The following CYB5R2 variants were observed in gnomAD, a reference collection of about 807,000 sequenced individuals.
The protein encoded by CYB5R2 is cytochrome b5 reductase 2.
CYB5R2 carries 35 observed loss-of-function variants against 29.8 expected under a neutral mutation model. The ratio of observed to expected loss-of-function variants is 1.17; its 90% CI spans 0.90 to 1.56. The LOEUF is 1.56. Ranked by LOEUF, CYB5R2 falls within the 40% of genes most tolerant of loss-of-function variation. CYB5R2 has a pLI of 0.00. For missense variants in CYB5R2, 419 were observed against 346.7 expected (o/e 1.21, Z -1.66); for synonymous variants, 169 against 130.6 (o/e 1.29, Z -2.01).
At chr11:7,673,347 C>G (rs1855877798) in intron 1 of CYB5R2, 72 bp downstream of exon 1, 1 of 1,019,910 alleles carries the variant, frequency 9.8e-7, no homozygotes, top group South Asian at 4.0e-5. Context: ...CCAACAGTCT[C>G]CTGGACAGGG....
rs1030559558 is a variant in CYB5R2, at chr11:7,666,114, T to C, written c.658+337A>G. 1.3e-5 allele frequency: 8 copies of C among 620,622 alleles called. No individual in the cohort carries two copies. The African/African-American group carries it at 1.5e-4, about 11-fold the overall frequency. The allele number at this position is 620,622 out of a possible 1,614,324, so 38.4% of individuals were successfully genotyped here. On this transcript the variant is annotated intron_variant, in intron 8 of 8. Transcript: ENST00000299498. The stretch of plus-strand genomic sequence containing the variant: ...TGGCCGTAAGCAGAAGGGTGAGTGG[T>C]GAAGGGGTCAGTGCCCATATTAGAT...
At chr11:7,665,809 G>C in intron 8 of CYB5R2, 2 of 1,514,314 alleles carry the variant, frequency 1.3e-6, no homozygotes, top group Non-Finnish European at 1.8e-6. Context: ...CGAGGAAGGA[G>C]AACACAACGA....
intron 3 of CYB5R2, chr11:7,669,997 C>T: frequency 2.4e-6 from 1 of 423,696 alleles, no homozygotes; most frequent in Non-Finnish European, 4.3e-6. Flanking sequence ...TGTCTGCCCA[C>T]CTGTGATCTT....
chr11:7,673,761 G>A, upstream of CYB5R2: 1 of 953,556 alleles, frequency 1.0e-6, no homozygotes, highest in Non-Finnish European at 1.2e-6. Context: ...GGGTTGGCCG[G>A]GGGCCGCTCC....
At chr11:7,669,502 T>C (rs1156345189) in intron 4 of CYB5R2, 123 bp downstream of exon 4, 2 of 1,209,992 alleles carry the variant, frequency 1.7e-6, no homozygotes, top group South Asian at 3.0e-5. Flanking sequence ...AACTGTAGCT[T>C]CACTGCTGGA....
At position 7,667,746 on chromosome 11, in the gene CYB5R2, G is replaced by A; in HGVS notation, c.540C>T (p.Ser180=). The part of the protein sequence containing the change: ...TKDPSDRTRM[S]LIFANQTEED... ...AACTGACCTGGTTGGCAAAGATGAG[G>A]GACATCCTGGTCCTGTCACTGGGGT... Residue 180 remains serine, a synonymous_variant, in exon 7 of 9, where the codon TCC becomes TCT. Coordinates refer to ENST00000299498, the MANE Select transcript of CYB5R2 (RefSeq NM_016229.5). 6.2e-7 allele frequency: 1 copy of A among 1,614,140 alleles called. No individual in the cohort carries two copies. Among genetic ancestry groups the A allele is most frequent in the Non-Finnish European group, 8.5e-7 (1 of 1,179,996 alleles).
chr11:7,668,740 A>T, intron 5 of CYB5R2, 179 bp from the exon 6 acceptor site: 1 of 643,274 alleles, frequency 1.6e-6, no homozygotes, highest in Non-Finnish European at 2.8e-6. Flanking sequence ...GCTCCAGTGC[A>T]CAAAGTGGGA....
Position 7,669,844 on chromosome 11 carries a change from A to AG in CYB5R2, c.152-114dup, listed in dbSNP as rs1438111080. The AG allele has an allele frequency of 4.9e-5, 38 of 769,900 alleles. No individual in the cohort carries two copies. The East Asian group carries it at 1.0e-3, about 20-fold the overall frequency. 47.7% of individuals were successfully genotyped at this position (769,900 alleles called of 1,614,324 possible). A position where few individuals can be genotyped will look rare whatever the true frequency, so the allele number is the denominator to read the frequency against. ...CAAATACTGGGGGCACAATGTTAAG[A>AG]GGGGTGGGAAGAAGAGAGCAGGGAA... On this transcript the variant is annotated intron_variant, in intron 3 of 8. Transcript: ENST00000299498.
chr11:7,669,424 T>C, intron 4 of CYB5R2, 90 bp from the exon 5 acceptor site: 1 of 1,481,482 alleles, frequency 6.7e-7, no homozygotes, highest in Admixed American at 2.1e-5. Flanking sequence ...CTGGAAGCTT[T>C]GCAGAGAAAG....
At chr11:7,673,578 C>G (rs1463322920), upstream of CYB5R2, 3 of 985,454 alleles carry the variant, frequency 3.0e-6, no homozygotes, top group African/African-American at 1.7e-5. Flanking sequence ...CCACGCCTCC[C>G]GCTCCGGCCC....
At chr11:7,671,164 G>C (rs990664784) in intron 3 of CYB5R2, 2 of 152,362 alleles carry the variant, frequency 1.3e-5, no homozygotes, top group African/African-American at 4.8e-5. Context: ...GGATAGCCAG[G>C]AGTAAGTGAG....
In CYB5R2 at chr11:7,669,955, T is replaced by TA. The variant is rs567586373; in HGVS notation, c.152-225_152-224insT. The stretch of plus-strand genomic sequence containing the variant: ...GCAAGTCACTTCACCTCTCTGGGTT[T>TA]TGGTCTCTTCATCTGTAAAATGGGG... On this transcript the variant is annotated intron_variant, in intron 3 of 8. Transcript: ENST00000299498. The TA allele has an allele frequency of 1.1e-3, 598 of 528,512 alleles. 6 individuals carry two copies. The highest frequency in any genetic ancestry group is 6.4e-3 in the South Asian group (301 of 46,918). The allele number at this position is 528,512 out of a possible 1,614,324, so 32.7% of individuals were successfully genotyped here. A position where few individuals can be genotyped will look rare whatever the true frequency, so the allele number is the denominator to read the frequency against.
At chr11:7,666,675 A>C (rs1410413376) in intron 7 of CYB5R2, 125 bp from the exon 8 acceptor site, 1 of 606,692 alleles carries the variant, frequency 1.6e-6, no homozygotes, top group Non-Finnish European at 2.9e-6. Flanking sequence ...CTCGCTGCCA[A>C]CTCCCACGGC....
At position 7,665,152 on chromosome 11, in the gene CYB5R2, A is replaced by G; in HGVS notation, c.*222T>C. 2.3e-6 allele frequency: 1 copy of G among 442,020 alleles called. No homozygotes were observed. Among genetic ancestry groups the G allele is most frequent in the Admixed American group, 4.0e-5 (1 of 25,000 alleles). 27.4% of individuals were successfully genotyped at this position (442,020 alleles called of 1,614,324 possible). ...ACAAAACCACGGAGAAAGATACTGA[A>G]ATGGAGCTCTTTCCAGCCTCCAAGC... is the stretch of plus-strand genomic sequence containing the variant. On this transcript the variant is annotated 3_prime_UTR_variant, in exon 9 of 9. Coordinates refer to ENST00000299498, the MANE Select transcript of CYB5R2 (RefSeq NM_016229.5).
At chr11:7,673,366 G>C (rs1467567220) in intron 1 of CYB5R2, 53 bp downstream of exon 1, 2 of 1,002,576 alleles carry the variant, frequency 2.0e-6, no homozygotes, top group East Asian at 9.8e-5. Flanking sequence ...GGCGAAGGGG[G>C]CCTGGGCACT....
At chr11:7,668,940 C>A in intron 5 of CYB5R2, 1 of 623,666 alleles carries the variant, frequency 1.6e-6, no homozygotes, top group South Asian at 1.8e-5. Flanking sequence ...TTAGCAGGCA[C>A]CATTTATGTA....
In CYB5R2 at chr11:7,672,981, A is replaced by G. The variant is rs1481138458; in HGVS notation, c.-66-90T>C. On this transcript the variant is annotated intron_variant, in intron 1 of 8. Coordinates refer to ENST00000299498, the MANE Select transcript of CYB5R2 (RefSeq NM_016229.5). ...GCGCAGAACACCCTCCCCACACCAA[A>G]GGCACAGGAGCTGAGCTCTGCCTGC... 3.2e-6 allele frequency: 4 copies of G among 1,260,648 alleles called. No individual in the cohort carries two copies. In the African/African-American group the frequency reaches 4.5e-5, roughly 14 times the overall value. 78.1% of individuals were successfully genotyped at this position (1,260,648 alleles called of 1,614,324 possible).
intron 8 of CYB5R2, 119 bp from the exon 9 acceptor site, chr11:7,665,665 T>C (rs1021903213): frequency 8.1e-7 from 1 of 1,232,996 alleles, no homozygotes; most frequent in Admixed American, 2.6e-5. Flanking sequence ...TACAAAGGCT[T>C]AGAAGTCTGT....
intron 6 of CYB5R2, 131 bp downstream of exon 6, chr11:7,668,347 G>C: frequency 1.3e-6 from 1 of 784,698 alleles, no homozygotes; most frequent in Non-Finnish European, 2.3e-6. Context: ...ACCTGTCACT[G>C]GTTCATCGTT....
Sources: gnomAD v4.1 joint callset for allele counts on GRCh38, gnomAD v4.1.1 for gene constraint, MANE v1.5 for transcripts, NCBI Gene and HGNC (gene_info 2026-07-23, HGNC 2026-07-21) for gene names.